The following DOK6 variants were observed in gnomAD, a reference collection of about 807,000 sequenced individuals.
DOK6 encodes the protein docking protein 6.
Under a neutral mutation model 44.0 loss-of-function variants are expected in DOK6, and 22 were observed. The ratio of observed to expected loss-of-function variants is 0.50; its 90% confidence interval spans 0.36 to 0.71. The LOEUF (loss-of-function observed/expected upper bound fraction) is 0.71, where lower values mean the gene tolerates loss of function less well. Among genes scored for constraint, DOK6 ranks in the 30% least tolerant of loss-of-function variants. The pLI is 0.00. For missense variants in DOK6, 340 were observed against 416.4 expected (o/e 0.82, Z 1.60); for synonymous variants, 166 against 145.5 (o/e 1.14, Z -1.01).
chr18:69,492,846 T>TTTTTTG (rs1980775145), intron 1 of DOK6, among the ~76,000 whole-genome samples: 2 of 149,748 alleles, frequency 1.3e-5, no homozygotes, highest in African/African-American at 5.0e-5. Context: ...TTTGGATTTT[T>TTTTTTG]AAGGATGGTG....
intron 5 of DOK6, among the ~76,000 whole-genome samples, chr18:69,699,443 A>G (rs1986462162): frequency 6.6e-6 from 1 of 152,200 alleles, no homozygotes; most frequent in African/African-American, 2.4e-5. Flanking sequence ...CAGCTAGGGT[A>G]GGTCCCATGT....
intron 7 of DOK6, among the ~76,000 whole-genome samples, chr18:69,825,427 C>CT (rs34656265): frequency 0.04 from 3,285 of 83,032 alleles, 416 homozygotes; most frequent in Non-Finnish European, 0.054. Flanking sequence ...ATCATAACTT[C>CT]TTTTTTTTTT....
At chr18:69,497,610 C>T (rs1179755812) in intron 1 of DOK6, among the ~76,000 whole-genome samples, 2 of 152,190 alleles carry the variant, frequency 1.3e-5, no homozygotes, top group Non-Finnish European at 2.9e-5. Context: ...TCATGTCCAT[C>T]TTATTCCCCT....
intron 3 of DOK6, among the ~76,000 whole-genome samples, chr18:69,632,198 A>C (rs1984705341): frequency 6.6e-6 from 1 of 152,216 alleles, no homozygotes; most frequent in South Asian, 2.1e-4. Flanking sequence ...CATTTGTCTT[A>C]GGAGACATAT....
At chr18:69,771,849 A>G (rs1164882567) in intron 7 of DOK6, among the ~76,000 whole-genome samples, 1 of 152,050 alleles carries the variant, frequency 6.6e-6, no homozygotes, top group African/African-American at 2.4e-5. Flanking sequence ...AAGTGAAGAA[A>G]ATAATATATG....
At chr18:69,433,149 T>C (rs1978853334) in intron 1 of DOK6, among the ~76,000 whole-genome samples, 1 of 152,196 alleles carries the variant, frequency 6.6e-6, no homozygotes. Context: ...TGCATTTGAA[T>C]CTAGTTTAAG....
At chr18:69,574,541 A>G (rs1874665003) in intron 2 of DOK6, among the ~76,000 whole-genome samples, 1 of 151,994 alleles carries the variant, frequency 6.6e-6, no homozygotes, top group Admixed American at 6.6e-5. Context: ...TAATGGGGGA[A>G]TGCACTATAT....
intron 2 of DOK6, among the ~76,000 whole-genome samples, chr18:69,577,582 G>A (rs1983267831): frequency 6.6e-6 from 1 of 152,076 alleles, no homozygotes; most frequent in African/African-American, 2.4e-5. Context: ...AGGTGTCTCA[G>A]GGAAGACTCA....
chr18:69,411,441 T>C (rs1434550037), intron 1 of DOK6, among the ~76,000 whole-genome samples: 1 of 152,130 alleles, frequency 6.6e-6, no homozygotes, highest in Admixed American at 6.5e-5. Flanking sequence ...AAAGGTACTG[T>C]ATGCTTCCAC....
chr18:69,463,221 A>C (rs2122477287), intron 1 of DOK6, among the ~76,000 whole-genome samples: 1 of 152,242 alleles, frequency 6.6e-6, no homozygotes, highest in African/African-American at 2.4e-5. Flanking sequence ...TAAGGGCACC[A>C]GGCCTAATCA....
At chr18:69,462,537 G>C (rs375336605) in intron 1 of DOK6, among the ~76,000 whole-genome samples, 4 of 152,058 alleles carry the variant, frequency 2.6e-5, no homozygotes. Context: ...TAAATGTCAT[G>C]GGTATTTAAA....
intron 1 of DOK6, among the ~76,000 whole-genome samples, 184 bp downstream of exon 1, chr18:69,401,494 C>T (rs1277617743): frequency 1.3e-5 from 2 of 152,028 alleles, no homozygotes; most frequent in Non-Finnish European, 2.9e-5. Context: ...GCTCCGCAGA[C>T]GGACCTGGGG....
chr18:69,659,293 G>A (rs1985448518), intron 3 of DOK6, among the ~76,000 whole-genome samples: 1 of 152,186 alleles, frequency 6.6e-6, no homozygotes, highest in Non-Finnish European at 1.5e-5. Flanking sequence ...AGTCACTGCT[G>A]TGCACGTCTA....
chr18:69,806,160 A>G (rs1242962778), intron 7 of DOK6, among the ~76,000 whole-genome samples: 1 of 151,936 alleles, frequency 6.6e-6, no homozygotes, highest in Non-Finnish European at 1.5e-5. Context: ...AGCCCCAGCC[A>G]TAGAGAAGTA....
intron 1 of DOK6, among the ~76,000 whole-genome samples, chr18:69,549,097 A>C (rs1372896773): frequency 2.1e-5 from 3 of 145,212 alleles, no homozygotes; most frequent in African/African-American, 8.1e-5. Flanking sequence ...CTCCGTCTCA[A>C]AAAAAAAAAA....
chr18:69,685,419 G>T lies in DOK6; in HGVS notation c.409+7566G>T, dbSNP rs529970970. ...TCCTACTCTGCACATTGAGGATAATGATAGTCCTTATTTCAGAGGATTGTT... is the reference window on the plus strand; with the variant it reads ...TCCTACTCTGCACATTGAGGATAATTATAGTCCTTATTTCAGAGGATTGTT... On this transcript the variant is annotated intron_variant, in intron 4 of 7. Coordinates refer to ENST00000382713, the MANE Select transcript of DOK6 (RefSeq NM_152721.6). Among the ~76,000 whole-genome samples, 4 of 152,298 alleles carry T rather than the reference G, an allele frequency of 2.6e-5. No homozygotes were observed. In the South Asian group the frequency reaches 8.3e-4, roughly 32 times the overall value.
At chr18:69,685,733 A>C (rs1368411442) in intron 4 of DOK6, among the ~76,000 whole-genome samples, 2 of 152,230 alleles carry the variant, frequency 1.3e-5, no homozygotes, top group East Asian at 3.8e-4. Context: ...CATTGATTTT[A>C]GGAATTTGCC....
At chr18:69,752,512 C>T (rs557449128) in intron 6 of DOK6, among the ~76,000 whole-genome samples, 1 of 152,214 alleles carries the variant, frequency 6.6e-6, no homozygotes, top group Non-Finnish European at 1.5e-5. Flanking sequence ...ATAGTGAATA[C>T]ATTTGGGGCA....
chr18:69,635,274 T>C (rs12960822), intron 3 of DOK6, among the ~76,000 whole-genome samples: 117,148 of 151,120 alleles, frequency 0.78, 47,689 homozygotes, highest in Non-Finnish European at 0.92. Context: ...TTCGATATTT[T>C]TCTCTTTTTT....
Sources: gnomAD v4.1 joint callset for allele counts (sites outside exome capture counted in the v4.1 genomes callset) on GRCh38, gnomAD v4.1.1 for gene constraint, MANE v1.5 for transcripts, NCBI Gene and HGNC (gene_info 2026-07-23, HGNC 2026-07-21) for gene names.